TARBP1: variants seen among roughly 807,000 people sequenced by gnomAD.
TARBP1 encodes tRNA guanosine 2 -O-methyltransferase TARBP1.
A neutral mutation model predicts 178.6 loss-of-function variants in TARBP1; 144 were observed. The ratio of observed to expected loss-of-function variants is 0.81; its 90% confidence interval spans 0.70 to 0.93. The LOEUF is 0.93. Among genes scored for constraint, TARBP1 ranks in the 40% least tolerant of loss-of-function variants. The pLI is 0.00. For synonymous variants in TARBP1, 787 were observed against 781.0 expected, an observed-to-expected ratio of 1.01 and a Z score of -0.13; for missense variants, 2,067 against 2,011.7, an observed-to-expected ratio of 1.03 and a Z score of -0.53.
rs528082434 is a variant in TARBP1 at position 234,475,166 on chromosome 1, T to C, written c.932-2355A>G. On this transcript the variant is annotated intron_variant, in intron 1 of 29. Coordinates refer to ENST00000040877, the MANE Select transcript of TARBP1 (RefSeq NM_005646.4). ...GAGACTGTGGCCAGGGCAGGAGATC[T>C]TCAGAGGCGCAGGCACCCAGGGCAG... is the stretch of plus-strand genomic sequence containing the variant. 1.8e-4 allele frequency among the ~76,000 whole-genome samples: 28 copies of C among 152,278 alleles called. No individual in the cohort carries two copies. In the South Asian group the frequency reaches 5.8e-3, roughly 32 times the overall value.
intron 8 of TARBP1, among the ~76,000 whole-genome samples, chr1:234,458,804 C>G (rs892187358): frequency 6.6e-6 from 1 of 152,180 alleles, no homozygotes; most frequent in African/African-American, 2.4e-5. Flanking sequence ...TTAGCTCCCC[C>G]AGCAACAAGC....
intron 21 of TARBP1, among the ~76,000 whole-genome samples, chr1:234,418,979 T>G (rs922872262): frequency 2.0e-5 from 3 of 152,124 alleles, no homozygotes; most frequent in East Asian, 1.9e-4. Flanking sequence ...GAGACCATCC[T>G]GGCTAACACG....
intron 12 of TARBP1, among the ~76,000 whole-genome samples, chr1:234,439,170 A>C (rs920573403): frequency 3.9e-5 from 6 of 152,242 alleles, no homozygotes; most frequent in Admixed American, 3.3e-4. Context: ...GAAATTTGGA[A>C]TATCAGGAAC....
At position 234,478,880 on chromosome 1, in the gene TARBP1, C is replaced by T. The variant is rs1024763369; in HGVS notation, c.224G>A (p.Ser75Asn). 7 of 1,331,600 alleles carry T rather than the reference C, an allele frequency of 5.3e-6. No homozygotes were observed. The highest frequency in any genetic ancestry group is 3.1e-5 in the African/African-American group (2 of 64,466). The allele number at this position is 1,331,600 out of a possible 1,614,324, so 82.5% of individuals were successfully genotyped here. ...AAGYLVPLLR[S>N]LRGRPAGGPD... The stretch of plus-strand genomic sequence containing the variant: ...GCCGCCCGCGGGGCGTCCGCGCAGG[C>T]TCCGCAGCAGTGGCACGAGGTACCC... Residue 75 changes from serine (S) to asparagine (N), a missense_variant, in exon 1 of 30, where the codon AGC (serine) becomes AAC (asparagine). Physicochemically the swap from Ser to Asn is conservative, Grantham distance 46. Coordinates refer to ENST00000040877, the MANE Select transcript of TARBP1 (RefSeq NM_005646.4).
intron 7 of TARBP1, 92 bp from the exon 8 acceptor site, chr1:234,459,418 A>G (rs1667618125): frequency 3.2e-6 from 3 of 944,186 alleles, no homozygotes; most frequent in Non-Finnish European, 4.9e-6. Flanking sequence ...TAACAACTAC[A>G]CTTCCTAATG....
In TARBP1 at chr1:234,478,401, C is replaced by T. The variant is rs545830981; in HGVS notation, c.703G>A (p.Ala235Thr). 1.7e-4 allele frequency: 231 copies of T among 1,359,880 alleles called. 1 individual carries two copies. In the African/African-American group the frequency reaches 2.8e-3, roughly 17 times the overall value. 84.2% of individuals were successfully genotyped at this position (1,359,880 alleles called of 1,614,324 possible). The change falls in exon 1 of 30, where the codon GCC becomes ACC. Residue 235 changes from alanine (A) to threonine (T), a missense_variant. Ala to Thr is a moderately conservative substitution (Grantham distance 58). Transcript: ENST00000040877. ...TCGGGCAACAGCTTCTCGGCCAGGGCGCTCAGGACCAGCAGCTTCTCCTCT... is the reference window on the plus strand; with the variant it reads ...TCGGGCAACAGCTTCTCGGCCAGGGTGCTCAGGACCAGCAGCTTCTCCTCT... Reference protein sequence around the residue: ...RVEEKLLVLSALAEKLLPEPG... With the variant: ...RVEEKLLVLSTLAEKLLPEPG...
intron 24 of TARBP1, among the ~76,000 whole-genome samples, chr1:234,404,004 T>C (rs754223246): frequency 6.6e-6 from 1 of 152,182 alleles, no homozygotes; most frequent in Non-Finnish European, 1.5e-5. Context: ...CTTATTTTGA[T>C]TGGCTATTTA....
At chr1:234,471,090 A>G in intron 3 of TARBP1, 98 bp downstream of exon 3, 1 of 880,948 alleles carries the variant, frequency 1.1e-6, no homozygotes, top group Non-Finnish European at 1.8e-6. Flanking sequence ...GTACACTTTT[A>G]TAGTTTTTCA....
At chr1:234,460,534 A>G (rs1175358783) in intron 6 of TARBP1, 138 bp from the exon 7 acceptor site, 3 of 881,660 alleles carry the variant, frequency 3.4e-6, no homozygotes, top group Non-Finnish European at 5.1e-6. Context: ...GCTATAATCT[A>G]AAGGACAGAC....
chr1:234,478,875 G>A lies in TARBP1; in HGVS notation c.229C>T (p.Arg77Cys). The A allele has an allele frequency of 7.7e-7, 1 of 1,299,126 alleles. No individual in the cohort carries two copies. The highest frequency in any genetic ancestry group is 9.7e-7 in the Non-Finnish European group (1 of 1,029,140). The allele number at this position is 1,299,126 out of a possible 1,614,324, so 80.5% of individuals were successfully genotyped here. A position where few individuals can be genotyped will look rare whatever the true frequency, so the allele number is the denominator to read the frequency against. ...TCCGGGCCGCCCGCGGGGCGTCCGC[G>A]CAGGCTCCGCAGCAGTGGCACGAGG... ...GYLVPLLRSL[R>C]GRPAGGPDPS... The change falls in exon 1 of 30, where the codon CGC becomes TGC. Residue 77 changes from arginine (R) to cysteine (C), a missense_variant. Arg to Cys is a radical substitution (Grantham distance 180). Transcript: ENST00000040877.
chr1:234,475,637 C>T (rs1454968040), intron 1 of TARBP1, among the ~76,000 whole-genome samples: 3 of 152,198 alleles, frequency 2.0e-5, no homozygotes, highest in South Asian at 2.1e-4. Flanking sequence ...GCACAGACAG[C>T]GAAAGAGCAG....
chr1:234,418,013 G>A (rs1201683711), intron 22 of TARBP1, 71 bp downstream of exon 22: 11 of 977,852 alleles, frequency 1.1e-5, no homozygotes, highest in Middle Eastern at 3.4e-4. Context: ...CTATTTAAGT[G>A]AAACAAATCT....
At chr1:234,404,560 A>T (rs1553274920) in intron 24 of TARBP1, among the ~76,000 whole-genome samples, 1 of 152,210 alleles carries the variant, frequency 6.6e-6, no homozygotes, top group Non-Finnish European at 1.5e-5. Context: ...CCTTGAAAAG[A>T]TCAAGATTTT....
chr1:234,394,793 T>C (rs1391593321), intron 26 of TARBP1, among the ~76,000 whole-genome samples: 2 of 152,150 alleles, frequency 1.3e-5, no homozygotes, highest in Non-Finnish European at 2.9e-5. Flanking sequence ...CATACAATGA[T>C]AAAGAATTTA....
chr1:234,450,092 G>C (rs1453819923), intron 10 of TARBP1, among the ~76,000 whole-genome samples: 2 of 152,042 alleles, frequency 1.3e-5, no homozygotes, highest in African/African-American at 4.8e-5. Context: ...CACTACAGAG[G>C]CTCCAAAACC....
rs1330852747 is a variant in TARBP1, at chr1:234,391,549, G to T, written c.*28C>A. 2 of 1,563,808 alleles carry T rather than the reference G, an allele frequency of 1.3e-6. No homozygotes were observed. On this transcript the variant is annotated 3_prime_UTR_variant, in exon 30 of 30. Coordinates refer to ENST00000040877, the MANE Select transcript of TARBP1 (RefSeq NM_005646.4). ...AGTTTTTTTTAAAAAAGTCTGAACA[G>T]CAGCAGCAGTTCACTAAGGAAGGCA...
chr1:234,468,474 A>C (rs1022577435), intron 3 of TARBP1, among the ~76,000 whole-genome samples: 1 of 152,188 alleles, frequency 6.6e-6, no homozygotes, highest in Non-Finnish European at 1.5e-5. Context: ...TCTTGAAAAA[A>C]TAAGAAAGAC....
At chr1:234,452,057 T>C (rs6673219) in intron 9 of TARBP1, among the ~76,000 whole-genome samples, 45,731 of 152,070 alleles carry the variant, frequency 0.3, 7,092 homozygotes, top group Admixed American at 0.41. Flanking sequence ...TTCTGCTGTA[T>C]CAAAATTATT....
In TARBP1 at chr1:234,401,188, C is replaced by A; in HGVS notation, c.4064G>T (p.Cys1355Phe). 1.2e-6 allele frequency: 2 copies of A among 1,612,040 alleles called. No homozygotes were observed. The highest frequency in any genetic ancestry group is 1.7e-6 in the Non-Finnish European group (2 of 1,178,554). Residue 1355 changes from cysteine (C) to phenylalanine (F), a missense_variant, in exon 25 of 30, where the codon TGT becomes TTT. Coordinates refer to ENST00000040877, the MANE Select transcript of TARBP1 (RefSeq NM_005646.4). ...FATFHPLKDY[C>F]LETIFYILPR... ...ATGATATTCTCTACTCACCTCTAGACAATAATCCTTGAGTGGGTGAAATGT... is the reference window on the plus strand; with the variant it reads ...ATGATATTCTCTACTCACCTCTAGAAAATAATCCTTGAGTGGGTGAAATGT...
Sources: gnomAD v4.1 joint callset for allele counts (sites outside exome capture counted in the v4.1 genomes callset) on GRCh38, gnomAD v4.1.1 for gene constraint, MANE v1.5 for transcripts, NCBI Gene and HGNC (gene_info 2026-07-23, HGNC 2026-07-21) for gene names.